The following NRG1 variants were observed in gnomAD, a reference collection of about 807,000 sequenced individuals.
NRG1 encodes the protein neuregulin 1.
NRG1 carries 18 observed loss-of-function variants against 63.8 expected under a neutral mutation model. The observed-to-expected ratio is 0.28, with a 90% CI of 0.19 to 0.42. NRG1 has a LOEUF of 0.42. Among genes scored for constraint, NRG1 ranks in the 10% least tolerant of loss-of-function variants. The pLI is 1.00. For missense variants in NRG1, 762 were observed against 814.7 expected, an observed-to-expected ratio of 0.94 and a Z score of 0.79; for synonymous variants, 302 against 301.3, an observed-to-expected ratio of 1.00 and a Z score of -0.02.
rs573846720 is a variant in NRG1, at chr8:32,174,302, C to T, written c.38-421526C>T. ...GAAACCAACGAGAACAAAGACACAACATACCAGAATCTCTGGGACACATTC... is the reference window on the plus strand; with the variant it reads ...GAAACCAACGAGAACAAAGACACAATATACCAGAATCTCTGGGACACATTC... On this transcript the variant is annotated intron_variant, in intron 1 of 10. Coordinates refer to the NRG1 transcript ENST00000519301. 2.3e-3 allele frequency among the ~76,000 whole-genome samples: 343 copies of T among 152,120 alleles called. 2 individuals carry two copies. The highest frequency in any genetic ancestry group is 7.9e-3 in the African/African-American group (329 of 41,500).
At chr8:32,703,007 G>T (rs1815365350) in intron 5 of NRG1, among the ~76,000 whole-genome samples, 2 of 152,084 alleles carry the variant, frequency 1.3e-5, no homozygotes. Context: ...AATTTGATTG[G>T]GTTTCATGTT....
chr8:32,644,837 A>G (rs1853169284), intron 5 of NRG1, among the ~76,000 whole-genome samples: 1 of 147,838 alleles, frequency 6.8e-6, no homozygotes, highest in Admixed American at 6.8e-5. Flanking sequence ...GTTTGCTCTT[A>G]ATGGTTGAGG....
intron 1 of NRG1, among the ~76,000 whole-genome samples, chr8:32,419,780 A>G (rs1247402605): frequency 6.6e-6 from 1 of 152,200 alleles, no homozygotes; most frequent in African/African-American, 2.4e-5. Context: ...AGTACAACAT[A>G]ACGCAGCTTG....
At chr8:31,941,532 A>G (rs1801749757) in intron 1 of NRG1, among the ~76,000 whole-genome samples, 1 of 152,096 alleles carries the variant, frequency 6.6e-6, no homozygotes, top group East Asian at 1.9e-4. Flanking sequence ...CGTACCAGGA[A>G]TCTTAGCCAG....
intron 1 of NRG1, among the ~76,000 whole-genome samples, chr8:32,324,092 C>CA (rs11315662): frequency 0.072 from 10,557 of 146,350 alleles, 450 homozygotes; most frequent in Middle Eastern, 0.14. Flanking sequence ...TCAAAGCCCT[C>CA]AAAAAAAAAA....
chr8:32,131,035 T>C (rs1834746052), intron 1 of NRG1, among the ~76,000 whole-genome samples: 1 of 151,948 alleles, frequency 6.6e-6, no homozygotes, highest in Non-Finnish European at 1.5e-5. Context: ...GCTAAAACTA[T>C]AAATAACAAA....
chr8:32,005,203 G>A (rs1172048341), intron 1 of NRG1, among the ~76,000 whole-genome samples: 1 of 151,820 alleles, frequency 6.6e-6, no homozygotes, highest in Non-Finnish European at 1.5e-5. Flanking sequence ...AGAAGGATGG[G>A]TAGCTGTTCT....
intron 1 of NRG1, among the ~76,000 whole-genome samples, chr8:31,786,328 C>T (rs959137999): frequency 6.6e-6 from 1 of 152,152 alleles, no homozygotes; most frequent in Non-Finnish European, 1.5e-5. Context: ...CTTTTCTATT[C>T]TCTCATTTAA....
intron 1 of NRG1, among the ~76,000 whole-genome samples, chr8:32,431,091 T>C (rs935284569): frequency 3.9e-5 from 6 of 152,168 alleles, no homozygotes; most frequent in East Asian, 1.9e-4. Flanking sequence ...AGAGAATGAA[T>C]GTGAGGCTCA....
intron 7 of NRG1, chr8:32,749,827 C>T (rs995524129): frequency 3.8e-5 from 21 of 555,904 alleles, no homozygotes; most frequent in Non-Finnish European, 5.7e-5. Context: ...AGTACCCTAC[C>T]TGCTGCAAAT....
intron 1 of NRG1, chr8:31,639,770 T>C (rs1388504460): frequency 4.3e-5 from 57 of 1,321,398 alleles, no homozygotes; most frequent in Non-Finnish European, 4.4e-5. Flanking sequence ...TTTGCCCTTA[T>C]ACCTCTTCGC....
intron 1 of NRG1, among the ~76,000 whole-genome samples, chr8:32,385,591 A>G (rs1004455939): frequency 3.3e-5 from 5 of 152,132 alleles, no homozygotes; most frequent in African/African-American, 9.7e-5. Flanking sequence ...CTTACATGGT[A>G]GGAACAGAAG....
Position 31,640,370 on chromosome 8 carries a change from C to T in NRG1, c.37+939C>T. On this transcript the variant is annotated intron_variant, in intron 1 of 10. Transcript: ENST00000519301. The surrounding 1 kb of genome is among the most constrained non-coding windows in gnomAD (Gnocchi z 6.3). Reference sequence around the variant, plus strand: ...GGCCCACGGGCGCTGGGGCCGCCCGCCGAGGAGCCGCTGCTCGCCGCCAAC... The same window carrying T: ...GGCCCACGGGCGCTGGGGCCGCCCGTCGAGGAGCCGCTGCTCGCCGCCAAC... 7.9e-7 allele frequency: 1 copy of T among 1,270,974 alleles called. No homozygotes were observed. The highest frequency in any genetic ancestry group is 9.9e-7 in the Non-Finnish European group (1 of 1,006,932). The allele number at this position is 1,270,974 out of a possible 1,614,324, so 78.7% of individuals were successfully genotyped here.
intron 1 of NRG1, among the ~76,000 whole-genome samples, chr8:31,872,435 C>T (rs186601794): frequency 0.01 from 1,541 of 152,200 alleles, 13 homozygotes; most frequent in Non-Finnish European, 0.015. Context: ...AGCCTTGTTT[C>T]AAGAGTAGGT....
At chr8:31,984,415 G>C (rs182863479) in intron 1 of NRG1, among the ~76,000 whole-genome samples, 1 of 151,952 alleles carries the variant, frequency 6.6e-6, no homozygotes, top group East Asian at 1.9e-4. Context: ...TTGGAATTTC[G>C]AAATGCTGGC....
Position 31,844,636 on chromosome 8 carries a change from G to C in NRG1, c.37+205205G>C, listed in dbSNP as rs141018421. Among the ~76,000 whole-genome samples, 1,190 of 152,268 alleles carry C rather than the reference G, an allele frequency of 7.8e-3. 58 individuals carry two copies. The highest frequency in any genetic ancestry group is 0.066 in the Admixed American group (1,003 of 15,290). On this transcript the variant is annotated intron_variant, in intron 1 of 10. Transcript: ENST00000519301. ...CAGCATTTTTCTGCTGCCCCTTTGA[G>C]CATCAGTTTACTCACTCATGTGTGG...
intron 1 of NRG1, among the ~76,000 whole-genome samples, chr8:32,340,295 C>A (rs1374356613): frequency 3.9e-5 from 6 of 152,190 alleles, no homozygotes; most frequent in African/African-American, 1.4e-4. Flanking sequence ...CTGGGGCAGG[C>A]TTAATGACAG....
intron 3 of NRG1, among the ~76,000 whole-genome samples, chr8:32,610,290 T>C (rs912771591): frequency 1.3e-5 from 2 of 152,140 alleles, no homozygotes; most frequent in African/African-American, 4.8e-5. Context: ...AGTTACTTTT[T>C]GTATGTTCCA....
In NRG1 at chr8:32,670,460, G is replaced by T. The variant is rs1156495861; in HGVS notation, c.502+53575G>T. Among the ~76,000 whole-genome samples the T allele has an allele frequency of 2.6e-5, 4 of 152,014 alleles. No individual in the cohort carries two copies. In the East Asian group the frequency reaches 5.8e-4, roughly 22 times the overall value. On this transcript the variant is annotated intron_variant, in intron 5 of 11. Coordinates refer to ENST00000356819, the Ensembl canonical transcript of NRG1. ...CCAAAGAGAATGGCTGACTATAAGG[G>T]TTATTAGTGATATTTTGGGAGTTAT... is the stretch of plus-strand genomic sequence containing the variant.
Sources: gnomAD v4.1 joint callset for allele counts (sites outside exome capture counted in the v4.1 genomes callset) on GRCh38, gnomAD v4.1.1 for gene constraint, Gnocchi (gnomAD v3.1) non-coding constraint, MANE v1.5 for transcripts, NCBI Gene and HGNC (gene_info 2026-07-23, HGNC 2026-07-21) for gene names.